The following ZHX3 variants were observed in gnomAD, a reference collection of about 807,000 sequenced individuals.
ZHX3 encodes zinc fingers and homeoboxes 3.
A neutral mutation model predicts 64.5 loss-of-function variants in ZHX3; 20 were observed. The ratio of observed to expected loss-of-function variants is 0.31; its 90% confidence interval spans 0.22 to 0.45. The LOEUF (loss-of-function observed/expected upper bound fraction) is 0.45, where lower values mean the gene tolerates loss of function less well. Among genes scored for constraint, ZHX3 ranks in the 20% least tolerant of loss-of-function variants. The pLI is 1.00. For synonymous variants in ZHX3, 423 were observed against 461.6 expected (o/e 0.92, Z 1.07); for missense variants, 1,041 against 1,195.8 (o/e 0.87, Z 1.91).
chr20:41,264,463 A>G (rs1456116041), intron 2 of ZHX3, among the ~76,000 whole-genome samples: 1 of 147,448 alleles, frequency 6.8e-6, no homozygotes, highest in Non-Finnish European at 1.5e-5. Flanking sequence ...GGAGGCTGAG[A>G]TGGGAGAATC....
chr20:41,264,775 T>TA (rs2042752302), intron 2 of ZHX3, among the ~76,000 whole-genome samples: 1 of 152,114 alleles, frequency 6.6e-6, no homozygotes, highest in Admixed American at 6.5e-5. Flanking sequence ...ACTCCGAACT[T>TA]ACGCTCAAAA....
rs1420112804 is a variant in ZHX3, at chr20:41,183,287, A to G, written c.*1904T>C. On this transcript the variant is annotated 3_prime_UTR_variant, in exon 4 of 4. Coordinates refer to ENST00000683867, the MANE Select transcript of ZHX3 (RefSeq NM_001384317.1). The surrounding 1 kb of genome is among the most constrained non-coding windows in gnomAD (Gnocchi z 5.3). ...AAGCAATCACTCGCCATTCTTGGCAATTCCTCAAAGGTTTTTGAGACCAAA... is the reference window on the plus strand; with the variant it reads ...AAGCAATCACTCGCCATTCTTGGCAGTTCCTCAAAGGTTTTTGAGACCAAA... The G allele has an allele frequency of 1.3e-5, 2 of 152,236 alleles. No homozygotes were observed. The highest frequency in any genetic ancestry group is 4.8e-5 in the African/African-American group (2 of 41,452). 9.4% of individuals were successfully genotyped at this position (152,236 alleles called of 1,614,324 possible). A position where few individuals can be genotyped will look rare whatever the true frequency, so the allele number is the denominator to read the frequency against.
intron 1 of ZHX3, among the ~76,000 whole-genome samples, chr20:41,289,132 T>C (rs1352129361): frequency 1.3e-5 from 2 of 152,008 alleles, no homozygotes; most frequent in Non-Finnish European, 2.9e-5. Context: ...GCTGGGACTA[T>C]AGGCATTCAT....
chr20:41,199,058 T>C (rs1486757947), intron 3 of ZHX3, among the ~76,000 whole-genome samples: 1 of 152,218 alleles, frequency 6.6e-6, no homozygotes, highest in African/African-American at 2.4e-5. Flanking sequence ...TTTTTAGCTC[T>C]AGAATTTGTT....
At chr20:41,301,035 T>C (rs942920878) in intron 1 of ZHX3, among the ~76,000 whole-genome samples, 6 of 152,060 alleles carry the variant, frequency 3.9e-5, no homozygotes, top group African/African-American at 1.2e-4. Flanking sequence ...GGGAAGTAAG[T>C]GGCAGTGACA....
At chr20:41,273,387 T>C (rs1007427129) in intron 1 of ZHX3, among the ~76,000 whole-genome samples, 2 of 152,218 alleles carry the variant, frequency 1.3e-5, no homozygotes, top group African/African-American at 4.8e-5. Flanking sequence ...AATTTGTCTA[T>C]TTTTTCTTTC....
At chr20:41,297,848 A>G (rs2044612935) in intron 1 of ZHX3, among the ~76,000 whole-genome samples, 1 of 152,202 alleles carries the variant, frequency 6.6e-6, no homozygotes. Context: ...AACACCCCTC[A>G]GTTGAGTCCT....
intron 2 of ZHX3, among the ~76,000 whole-genome samples, chr20:41,229,405 T>G (rs2040461279): frequency 6.6e-6 from 1 of 152,168 alleles, no homozygotes; most frequent in African/African-American, 2.4e-5. Flanking sequence ...TCAACTCTTC[T>G]GGGTAACTAC....
At chr20:41,197,243 A>G (rs949891851) in intron 3 of ZHX3, 1 of 143,710 alleles carries the variant, frequency 7.0e-6, no homozygotes, top group African/African-American at 2.5e-5. Context: ...TATATTTAAA[A>G]TACATATATA....
At chr20:41,223,004 T>C (rs949094888) in intron 2 of ZHX3, among the ~76,000 whole-genome samples, 3 of 152,128 alleles carry the variant, frequency 2.0e-5, no homozygotes, top group Non-Finnish European at 2.9e-5. Flanking sequence ...TAGTCTGTAT[T>C]GATGATTTTC....
intron 1 of ZHX3, among the ~76,000 whole-genome samples, chr20:41,278,807 C>T (rs1359897446): frequency 7.1e-6 from 1 of 140,960 alleles, no homozygotes; most frequent in African/African-American, 2.7e-5. Flanking sequence ...GAGTCTCCCT[C>T]TGTCACCCAG....
intron 2 of ZHX3, among the ~76,000 whole-genome samples, chr20:41,205,607 G>A (rs2038641236): frequency 6.6e-6 from 1 of 152,198 alleles, no homozygotes; most frequent in African/African-American, 2.4e-5. Context: ...GCTGCTGTAA[G>A]AGCCAGGCCT....
intron 2 of ZHX3, among the ~76,000 whole-genome samples, chr20:41,231,976 T>C (rs186685898): frequency 2.3e-4 from 35 of 152,334 alleles, no homozygotes; most frequent in Non-Finnish European, 4.4e-4. Context: ...AAACTAGCTA[T>C]GGAAACTAGA....
chr20:41,297,735 A>G (rs2146789288), intron 1 of ZHX3, among the ~76,000 whole-genome samples: 1 of 152,324 alleles, frequency 6.6e-6, no homozygotes, highest in South Asian at 2.1e-4. Flanking sequence ...CAGAGCCAGG[A>G]CTGAATAAAG....
At chr20:41,315,461 G>A (rs1406223718) in intron 1 of ZHX3, among the ~76,000 whole-genome samples, 1 of 149,468 alleles carries the variant, frequency 6.7e-6, no homozygotes, top group Non-Finnish European at 1.5e-5. Context: ...CCAAAGTGCT[G>A]TGATTACAAG....
At chr20:41,242,765 G>A (rs2041462012) in intron 2 of ZHX3, among the ~76,000 whole-genome samples, 1 of 152,080 alleles carries the variant, frequency 6.6e-6, no homozygotes, top group Non-Finnish European at 1.5e-5. Flanking sequence ...GCCATATATG[G>A]AGGAAGTTTG....
intron 1 of ZHX3, among the ~76,000 whole-genome samples, chr20:41,293,515 T>G (rs1358350587): frequency 2.0e-5 from 3 of 151,826 alleles, no homozygotes; most frequent in Non-Finnish European, 4.4e-5. Flanking sequence ...TGACAGCTGA[T>G]CACGTAAAAG....
At chr20:41,296,232 TAAAAAAAAAA>T (rs57987896) in intron 1 of ZHX3, among the ~76,000 whole-genome samples, 35 of 72,992 alleles carry the variant, frequency 4.8e-4, no homozygotes, top group Admixed American at 6.1e-4. Flanking sequence ...GTTCATAAAG[TAAAAAAAAAA>T]AAAAAAAAAA....
At chr20:41,290,796 A>G (rs2044196887) in intron 1 of ZHX3, among the ~76,000 whole-genome samples, 1 of 152,198 alleles carries the variant, frequency 6.6e-6, no homozygotes, top group Non-Finnish European at 1.5e-5. Context: ...AATCTCCAGG[A>G]CAGCTTCAAG....
Sources: allele counts gnomAD v4.1 joint callset (sites outside exome capture counted in the v4.1 genomes callset), GRCh38; gene constraint gnomAD v4.1.1; non-coding constraint Gnocchi (gnomAD v3.1); transcripts MANE v1.5; gene names NCBI Gene and HGNC (gene_info 2026-07-23, HGNC 2026-07-21).